Variants in NEDD4L observed in about 807,000 individuals in gnomAD.
The protein encoded by NEDD4L is NEDD4 like E3 ubiquitin protein ligase.
In NEDD4L, 54 loss-of-function variants were observed where a neutral mutation model predicts 148.9. The ratio of observed to expected loss-of-function variants is 0.36; its 90% CI spans 0.29 to 0.45. The LOEUF (loss-of-function observed/expected upper bound fraction) is 0.45, where lower values mean the gene tolerates loss of function less well. NEDD4L is among the 20% of genes least tolerant of loss of function. NEDD4L has a pLI of 1.00. For missense variants in NEDD4L, 856 were observed against 1,233.8 expected, an observed-to-expected ratio of 0.69 and a Z score of 4.59; for synonymous variants, 433 against 440.7, an observed-to-expected ratio of 0.98 and a Z score of 0.22.
chr18:58,069,146 A>C (rs946430830), intron 1 of NEDD4L, among the ~76,000 whole-genome samples: 34 of 151,674 alleles, frequency 2.2e-4, no homozygotes, highest in African/African-American at 7.3e-4. Flanking sequence ...CAAAAAAAAA[A>C]AAAAAAAAAA....
chr18:58,240,924 C>G (rs1322951730), intron 2 of NEDD4L, among the ~76,000 whole-genome samples: 1 of 152,168 alleles, frequency 6.6e-6, no homozygotes, highest in African/African-American at 2.4e-5. Context: ...ATTCTCATGC[C>G]TCAGCTCCCC....
At chr18:58,110,871 C>G (rs1240384946) in intron 1 of NEDD4L, among the ~76,000 whole-genome samples, 1 of 152,182 alleles carries the variant, frequency 6.6e-6, no homozygotes, top group African/African-American at 2.4e-5. Context: ...GGACCAAAAG[C>G]ATTTCTGCTG....
At chr18:58,052,857 T>C (rs370363508) in intron 1 of NEDD4L, among the ~76,000 whole-genome samples, 15 of 152,026 alleles carry the variant, frequency 9.9e-5, no homozygotes, top group Non-Finnish European at 1.9e-4. Flanking sequence ...TCCCAGCTAC[T>C]TGGGAGGCTG....
At chr18:58,090,258 A>G (rs947262851) in intron 1 of NEDD4L, among the ~76,000 whole-genome samples, 3 of 152,188 alleles carry the variant, frequency 2.0e-5, no homozygotes, top group Admixed American at 1.3e-4. Context: ...TTGAAACTAC[A>G]TGTGACTAGT....
intron 3 of NEDD4L, 126 bp from the exon 4 acceptor site, chr18:58,248,773 G>C: frequency 1.7e-6 from 1 of 580,180 alleles, no homozygotes; most frequent in South Asian, 2.4e-5. Context: ...TCAAATAATC[G>C]ACTAAATGCT....
chr18:58,249,044 T>C, intron 4 of NEDD4L, 107 bp downstream of exon 4: 1 of 593,374 alleles, frequency 1.7e-6, no homozygotes, highest in South Asian at 2.9e-5. Context: ...GAGAAATTCC[T>C]TTTAGGATGA....
chr18:58,248,793 T>C (rs2047574847), intron 3 of NEDD4L, 106 bp from the exon 4 acceptor site: 7 of 634,506 alleles, frequency 1.1e-5, no homozygotes, highest in Non-Finnish European at 8.4e-6. Context: ...TTCTCTTAGC[T>C]TTTTTTAATC....
At chr18:58,345,795 G>A (rs1335321433) in intron 16 of NEDD4L, among the ~76,000 whole-genome samples, 1 of 152,042 alleles carries the variant, frequency 6.6e-6, no homozygotes, top group Non-Finnish European at 1.5e-5. Flanking sequence ...AGGCTGGAGT[G>A]TAATGGCACA....
intron 5 of NEDD4L, among the ~76,000 whole-genome samples, chr18:58,263,515 G>A (rs1280115681): frequency 6.6e-6 from 1 of 152,054 alleles, no homozygotes; most frequent in East Asian, 1.9e-4. Context: ...AATTCAAATC[G>A]TTTCTGATAG....
rs541560947 is a variant in NEDD4L at position 58,242,378 on chromosome 18, A to G, written c.123-3049A>G. Among the ~76,000 whole-genome samples the G allele has an allele frequency of 9.2e-5, 14 of 152,322 alleles. 1 individual carries two copies. The South Asian group carries it at 2.7e-3, about 29-fold the overall frequency. ...AAAACTGCCTGAGTTAGGAATTGTC[A>G]TTCCCATTTCATTCATGAGCAGGCT... On this transcript the variant is annotated intron_variant, in intron 2 of 30. Coordinates refer to ENST00000400345, the MANE Select transcript of NEDD4L (RefSeq NM_001144967.3).
At chr18:58,211,061 G>A (rs1263222333) in intron 2 of NEDD4L, among the ~76,000 whole-genome samples, 7 of 152,078 alleles carry the variant, frequency 4.6e-5, no homozygotes, top group Non-Finnish European at 1.0e-4. Flanking sequence ...AGTACAATCT[G>A]AGAAAGCGAA....
At chr18:58,239,890 G>A (rs1600119541) in intron 2 of NEDD4L, among the ~76,000 whole-genome samples, 1 of 152,218 alleles carries the variant, frequency 6.6e-6, no homozygotes, top group African/African-American at 2.4e-5. Flanking sequence ...AGGCCCAGAA[G>A]AGAGAACTGA....
At chr18:58,106,416 G>C (rs1215890578) in intron 1 of NEDD4L, among the ~76,000 whole-genome samples, 2 of 152,188 alleles carry the variant, frequency 1.3e-5, no homozygotes, top group African/African-American at 2.4e-5. Flanking sequence ...TGCAGCTCCT[G>C]GGGAGCTTAC....
intron 5 of NEDD4L, among the ~76,000 whole-genome samples, chr18:58,301,842 G>GCCC (rs1208415243): frequency 2.6e-5 from 4 of 152,168 alleles, no homozygotes; most frequent in African/African-American, 9.7e-5. Flanking sequence ...CAGGCCCCAA[G>GCCC]CCCAGCTCTG....
chr18:58,255,630 C>G (rs549823276), intron 5 of NEDD4L: 2 of 1,232,504 alleles, frequency 1.6e-6, no homozygotes, highest in Non-Finnish European at 2.0e-6. Context: ...CTCCTGGCCC[C>G]CCTGGTCACC....
intron 2 of NEDD4L, among the ~76,000 whole-genome samples, chr18:58,233,919 G>A (rs1005593930): frequency 6.7e-5 from 10 of 148,916 alleles, no homozygotes; most frequent in East Asian, 3.9e-4. Flanking sequence ...CAATCTTCTC[G>A]TTGTATCTTC....
chr18:58,058,847 G>A (rs1363986089), intron 1 of NEDD4L, among the ~76,000 whole-genome samples: 1 of 152,154 alleles, frequency 6.6e-6, no homozygotes, highest in African/African-American at 2.4e-5. Context: ...CAGCAATGAA[G>A]GATTGTTGGT....
At chr18:58,235,427 A>G (rs2045897221) in intron 2 of NEDD4L, among the ~76,000 whole-genome samples, 2 of 152,214 alleles carry the variant, frequency 1.3e-5, no homozygotes, top group African/African-American at 4.8e-5. Context: ...TAGTCCTGGC[A>G]TCCCAGGAGC....
chr18:58,278,687 T>C (rs1283609447), intron 5 of NEDD4L, among the ~76,000 whole-genome samples: 2 of 152,128 alleles, frequency 1.3e-5, no homozygotes, highest in Non-Finnish European at 2.9e-5. Flanking sequence ...CAGTCCCTCA[T>C]GTACAGGCCT....
Sources: allele counts gnomAD v4.1 joint callset (sites outside exome capture counted in the v4.1 genomes callset), GRCh38; gene constraint gnomAD v4.1.1; transcripts MANE v1.5; gene names NCBI Gene and HGNC (gene_info 2026-07-23, HGNC 2026-07-21).